SART3: variants seen among roughly 807,000 people sequenced by gnomAD.
The protein encoded by SART3 is HIV-1 Tat-interacting protein of 110kDa.
A neutral mutation model predicts 122.3 loss-of-function variants in SART3; 44 were observed. The observed-to-expected ratio is 0.36, with a 90% CI of 0.28 to 0.46. SART3 has a LOEUF of 0.46. SART3 is among the 20% of genes least tolerant of loss of function. The pLI, the probability that SART3 is intolerant of heterozygous loss-of-function variation, is 1.00. For synonymous variants in SART3, 442 were observed against 454.0 expected (o/e 0.97, Z 0.34); for missense variants, 1,101 against 1,229.0 (o/e 0.90, Z 1.56).
chr12:108,538,118 C>T lies in SART3; in HGVS notation c.1148G>A (p.Ser383Asn), dbSNP rs767587099. The part of the protein sequence containing the change: ...RNCPWTVALW[S>N]RYLLAMERHG... Reference sequence around the variant, plus strand: ...TCTCTCCATGGCCAAGAGGTACCGACTCCATAAGGCAACTGTCCAGGGGCA... The same window carrying T: ...TCTCTCCATGGCCAAGAGGTACCGATTCCATAAGGCAACTGTCCAGGGGCA... Residue 383 changes from serine (S) to asparagine (N), a missense_variant, in exon 8 of 19, where the codon AGT (serine) becomes AAT (asparagine). This residue lies in a region of SART3 where 885 missense variants were observed against 1,080.1 expected (regional missense o/e 0.82). Transcript: ENST00000546815. 1.9e-6 allele frequency: 3 copies of T among 1,614,204 alleles called. No individual in the cohort carries two copies. The Admixed American group carries it at 5.0e-5, about 27-fold the overall frequency.
intron 7 of SART3, among the ~76,000 whole-genome samples, chr12:108,538,631 C>T (rs1873018026): frequency 6.6e-6 from 1 of 152,178 alleles, no homozygotes; most frequent in African/African-American, 2.4e-5. Context: ...ACAGAAGTTT[C>T]ATTTTACTGA....
intron 18 of SART3, chr12:108,523,974 A>AT: frequency 7.3e-6 from 4 of 549,984 alleles, no homozygotes; most frequent in Non-Finnish European, 1.3e-5. Context: ...TGTGGATCAT[A>AT]GCTAGGGCCG....
At position 108,526,144 on chromosome 12, in the gene SART3, C is replaced by T; in HGVS notation, c.2325G>A (p.Met775Ile). The change falls in exon 16 of 19, where the codon ATG becomes ATA. Residue 775 changes from methionine to isoleucine, a missense_variant. By Grantham distance (10) the Met-to-Ile change is conservative. Around this residue, in one of 2 missense-constraint regions of SART3, gnomAD observed 885 missense variants for 1,080.1 expected, o/e 0.82. Coordinates refer to ENST00000546815, the MANE Select transcript of SART3 (RefSeq NM_014706.4). ...MDRKSVEGRP[M>I]FVSPCVDKSK... ...TCTTATCCACACAGGGGGAAACAAACATTGGCCTCCCTTCTACACTTTTCC... is the reference window on the plus strand; with the variant it reads ...TCTTATCCACACAGGGGGAAACAAATATTGGCCTCCCTTCTACACTTTTCC... 5 of 1,614,246 alleles carry T rather than the reference C, an allele frequency of 3.1e-6. No individual in the cohort carries two copies. The highest frequency in any genetic ancestry group is 4.2e-6 in the Non-Finnish European group (5 of 1,180,040).
chr12:108,545,120 G>C lies in SART3; in HGVS notation c.729+19C>G, dbSNP rs1170452900. On this transcript the variant is annotated intron_variant, in intron 4 of 18. Transcript: ENST00000546815. ...CAAAGACAGCCCCAACCCGTTCAGA[G>C]ACAACCACAGGTACTCACCCGAGCA... 2 of 1,613,222 alleles carry C rather than the reference G, an allele frequency of 1.2e-6. No homozygotes were observed. Among genetic ancestry groups the C allele is most frequent in the African/African-American group, 1.3e-5 (1 of 74,952 alleles).
intron 17 of SART3, 64 bp from the exon 18 acceptor site, chr12:108,524,570 C>CCCTGCAGG: frequency 6.7e-7 from 1 of 1,502,646 alleles, no homozygotes; most frequent in Non-Finnish European, 9.2e-7. Flanking sequence ...CCTCCTCCTG[C>CCCTGCAGG]AGGGCAGGCA....
intron 3 of SART3, among the ~76,000 whole-genome samples, chr12:108,546,147 G>C (rs1026157404): frequency 6.6e-6 from 1 of 152,114 alleles, no homozygotes; most frequent in East Asian, 1.9e-4. Flanking sequence ...TTCTCACAGG[G>C]GGACTGCTCC....
At chr12:108,525,213 TGTG>T (rs1160186594) in intron 17 of SART3, among the ~76,000 whole-genome samples, 1 of 152,224 alleles carries the variant, frequency 6.6e-6, no homozygotes, top group African/African-American at 2.4e-5. Context: ...GGGGCCATAG[TGTG>T]GTGAATTCAT....
chr12:108,536,467 A>G lies in SART3; in HGVS notation c.1446+47T>C, dbSNP rs754631265. On this transcript the variant is annotated intron_variant, in intron 11 of 18. Transcript: ENST00000546815. ...TTTAATTAAAGTTTAATAGGATGCT[A>G]TTAAACAATGATGGATGAAAGTGCT... 3 of 1,572,700 alleles carry G rather than the reference A, an allele frequency of 1.9e-6. No individual in the cohort carries two copies. The South Asian group carries it at 3.3e-5, about 17-fold the overall frequency.
intron 16 of SART3, chr12:108,525,849 G>T (rs1015705632): frequency 4.8e-6 from 3 of 621,110 alleles, no homozygotes; most frequent in Non-Finnish European, 8.5e-6. Context: ...CTCATGAGGA[G>T]TCAATGAGCT....
chr12:108,559,397 G>A (rs183306100), intron 1 of SART3, among the ~76,000 whole-genome samples: 3 of 152,264 alleles, frequency 2.0e-5, no homozygotes, highest in African/African-American at 7.2e-5. Context: ...CGGGCGTAGC[G>A]GCTCACACCT....
intron 6 of SART3, among the ~76,000 whole-genome samples, chr12:108,540,261 T>C (rs1416497602): frequency 6.6e-6 from 1 of 152,180 alleles, no homozygotes; most frequent in African/African-American, 2.4e-5. Flanking sequence ...AAAGATACAA[T>C]CAATTGCTGA....
At chr12:108,542,918 ACT>A (rs1873234394) in intron 6 of SART3, 108 bp downstream of exon 6, 3 of 1,397,716 alleles carry the variant, frequency 2.1e-6, no homozygotes, top group South Asian at 1.2e-5. Flanking sequence ...ACATTTATAC[ACT>A]CTATATATTT....
chr12:108,540,805 GC>G (rs929963736), intron 6 of SART3, among the ~76,000 whole-genome samples: 1 of 152,156 alleles, frequency 6.6e-6, no homozygotes, highest in African/African-American at 2.4e-5. Flanking sequence ...TAAATGGACA[GC>G]TAATCTATGA....
intron 15 of SART3, among the ~76,000 whole-genome samples, chr12:108,527,593 T>C (rs1872443301): frequency 6.6e-6 from 1 of 152,174 alleles, no homozygotes; most frequent in African/African-American, 2.4e-5. Context: ...TCTGCCAAAC[T>C]GGGAGGCCAG....
At chr12:108,525,641 T>A (rs771277309) in intron 16 of SART3, 32 bp from the exon 17 acceptor site, 1 of 1,611,968 alleles carries the variant, frequency 6.2e-7, no homozygotes, top group Non-Finnish European at 8.5e-7. Flanking sequence ...AGAAAAACCA[T>A]GATTCGAGGC....
At chr12:108,554,136 G>GCCCCCGACCCCT (rs56174371) in intron 1 of SART3, 1 of 119,826 alleles carries the variant, frequency 8.3e-6, no homozygotes, top group African/African-American at 3.1e-5. Flanking sequence ...GGGCGCCCCC[G>GCCCCCGACCCCT]GCCCCCCTCC....
chr12:108,543,176 C>T (rs376649077), intron 5 of SART3, 24 bp from the exon 6 acceptor site: 180 of 1,613,248 alleles, frequency 1.1e-4, no homozygotes, highest in Non-Finnish European at 1.4e-4. Flanking sequence ...GATTCAGCCC[C>T]GTGGGTCTTG....
At chr12:108,548,387 C>CT (rs1276279667) in intron 2 of SART3, among the ~76,000 whole-genome samples, 2 of 152,210 alleles carry the variant, frequency 1.3e-5, no homozygotes, top group African/African-American at 4.8e-5. Flanking sequence ...AATGCAGAAA[C>CT]TACTGTTGCC....
At chr12:108,529,320 C>T (rs73402753) in intron 15 of SART3, among the ~76,000 whole-genome samples, 3,777 of 152,254 alleles carry the variant, frequency 0.025, 150 homozygotes, top group African/African-American at 0.086. Flanking sequence ...CACACACACT[C>T]CCTACCCTCG....
Sources: gnomAD v4.1 joint callset for allele counts (sites outside exome capture counted in the v4.1 genomes callset) on GRCh38, gnomAD v4.1.1 for gene constraint, gnomAD v4.1.1 regional missense constraint, MANE v1.5 for transcripts, NCBI Gene and HGNC (gene_info 2026-07-23, HGNC 2026-07-21) for gene names.